The following PSMG4 variants were observed in gnomAD, a reference collection of about 807,000 sequenced individuals.
PSMG4 encodes proteasome (prosome, macropain) assembly chaperone 4.
PSMG4 carries 10 observed loss-of-function variants against 11.0 expected under a neutral mutation model. The ratio of observed to expected loss-of-function variants is 0.91; its 90% CI spans 0.56 to 1.54. PSMG4 has a LOEUF of 1.54. Among genes scored for constraint, PSMG4 ranks in the 40% most tolerant of loss-of-function variants. The pLI is 0.00. For synonymous variants in PSMG4, 95 were observed against 71.3 expected, an observed-to-expected ratio of 1.33 and a Z score of -1.68; for missense variants, 198 against 160.9, an observed-to-expected ratio of 1.23 and a Z score of -1.25.
rs568800260 is a variant in PSMG4 at position 3,267,327 on chromosome 6, T to C, written c.251-264T>C. On this transcript the variant is annotated intron_variant, in intron 2 of 2. Coordinates refer to ENST00000438998, the MANE Select transcript of PSMG4 (RefSeq NM_001128591.2). ...GGAGGGCTGGGTGGGGCCCAGCAGCTGCCTCTCGAACAAGTTCCAGGGAGG... is the reference window on the plus strand; with the variant it reads ...GGAGGGCTGGGTGGGGCCCAGCAGCCGCCTCTCGAACAAGTTCCAGGGAGG... 9.9e-6 allele frequency: 3 copies of C among 304,092 alleles called. No homozygotes were observed. The South Asian group carries it at 1.3e-4, about 14-fold the overall frequency. The allele number at this position is 304,092 out of a possible 1,614,324, so 18.8% of individuals were successfully genotyped here.
intron 2 of PSMG4, chr6:3,264,084 C>G (rs1167416656): frequency 7.4e-6 from 11 of 1,479,524 alleles, no homozygotes; most frequent in Non-Finnish European, 9.9e-6. Flanking sequence ...GAGAAGTGCC[C>G]ACAGCCCCTG....
rs533725298 is a variant in PSMG4 at position 3,268,049 on chromosome 6, G to A, written c.*337G>A. 4.2e-5 allele frequency: 8 copies of A among 190,692 alleles called. No individual in the cohort carries two copies. In the East Asian group the frequency reaches 1.1e-3, roughly 25 times the overall value. 11.8% of individuals were successfully genotyped at this position (190,692 alleles called of 1,614,324 possible). A position where few individuals can be genotyped will look rare whatever the true frequency, so the allele number is the denominator to read the frequency against. ...TAGAATTAAAGTGATGTATAAATAT[G>A]CTTTAGATTTGTGTGTGCATTCCTC... On this transcript the variant is annotated 3_prime_UTR_variant, in exon 3 of 3. Coordinates refer to ENST00000438998, the MANE Select transcript of PSMG4 (RefSeq NM_001128591.2).
At chr6:3,265,011 A>C (rs1758128338) in intron 2 of PSMG4, 1 of 152,174 alleles carries the variant, frequency 6.6e-6, no homozygotes, top group South Asian at 2.1e-4. Flanking sequence ...TCCCATAGAG[A>C]AGGTGGTGTG....
chr6:3,257,752 C>T (rs980801656), upstream of PSMG4, among the ~76,000 whole-genome samples: 1 of 151,360 alleles, frequency 6.6e-6, no homozygotes, highest in African/African-American at 2.5e-5. Context: ...TTACTGAGGG[C>T]AGGAGGGAGT....
chr6:3,263,870 A>C, intron 2 of PSMG4, 111 bp downstream of exon 2: 3 of 1,473,288 alleles, frequency 2.0e-6, no homozygotes, highest in Non-Finnish European at 2.7e-6. Context: ...AAGAACCATC[A>C]CCTCATTGCT....
chr6:3,254,937 G>A (rs968679334), upstream of PSMG4: 6 of 1,191,340 alleles, frequency 5.0e-6, no homozygotes, highest in Admixed American at 2.7e-5. Context: ...TTCTCTCACT[G>A]GGTGTCAGCT....
rs1315789786 is a variant in PSMG4, at chr6:3,264,536, TG to T, written c.250+779del. 24 of 947,850 alleles carry T rather than the reference TG, an allele frequency of 2.5e-5. No homozygotes were observed. The East Asian group carries it at 6.0e-4, about 24-fold the overall frequency. 58.7% of individuals were successfully genotyped at this position (947,850 alleles called of 1,614,324 possible). A position where few individuals can be genotyped will look rare whatever the true frequency, so the allele number is the denominator to read the frequency against. On this transcript the variant is annotated intron_variant, in intron 2 of 2. Coordinates refer to ENST00000438998, the MANE Select transcript of PSMG4 (RefSeq NM_001128591.2). ...CTGAGGCAAATGCACACGAATAGCA[TG>T]GCACCTGGCCCAGGGGGAAGGCAGG...
chr6:3,254,410 A>G (rs780716312), upstream of PSMG4, among the ~76,000 whole-genome samples: 2 of 152,094 alleles, frequency 1.3e-5, no homozygotes, highest in African/African-American at 4.8e-5. Context: ...TGTTGGTGGC[A>G]CATCTGAGGA....
In PSMG4 at chr6:3,267,788, C is replaced by G; in HGVS notation, c.*76C>G. On this transcript the variant is annotated 3_prime_UTR_variant, in exon 3 of 3. Coordinates refer to ENST00000438998, the MANE Select transcript of PSMG4 (RefSeq NM_001128591.2). ...ATAAATGGATTGAATTTCAGTTTGT[C>G]ATCAGGCCGCGCTCCCGTTTTGTTT... 7.0e-7 allele frequency: 1 copy of G among 1,428,328 alleles called. No homozygotes were observed. Among genetic ancestry groups the G allele is most frequent in the Non-Finnish European group, 9.5e-7 (1 of 1,047,686 alleles). 88.5% of individuals were successfully genotyped at this position (1,428,328 alleles called of 1,614,324 possible). A position where few individuals can be genotyped will look rare whatever the true frequency, so the allele number is the denominator to read the frequency against.
upstream of PSMG4, chr6:3,258,868 A>G (rs1472181192): frequency 1.5e-6 from 1 of 673,200 alleles, no homozygotes; most frequent in African/African-American, 1.9e-5. Context: ...CAAGCCCGGG[A>G]TCGCCCCTCC....
upstream of PSMG4, among the ~76,000 whole-genome samples, chr6:3,256,383 A>G (rs1050758756): frequency 2.0e-5 from 3 of 152,182 alleles, no homozygotes; most frequent in South Asian, 2.1e-4. Flanking sequence ...CTGTTCCTGT[A>G]TGGATGGTTC....
At chr6:3,257,750 G>A (rs1240478867), upstream of PSMG4, among the ~76,000 whole-genome samples, 2 of 151,370 alleles carry the variant, frequency 1.3e-5, no homozygotes, top group East Asian at 1.9e-4. Flanking sequence ...CATTACTGAG[G>A]GCAGGAGGGA....
At chr6:3,266,886 TG>T (rs1758203016) in intron 2 of PSMG4, 1 of 151,524 alleles carries the variant, frequency 6.6e-6, no homozygotes, top group Non-Finnish European at 1.5e-5. Context: ...GACGGAGTCT[TG>T]CTCTATTGCC....
chr6:3,263,806 C>G, intron 2 of PSMG4, 47 bp downstream of exon 2: 2 of 1,532,908 alleles, frequency 1.3e-6, no homozygotes, highest in Non-Finnish European at 8.8e-7. Context: ...GTGGGGCCCA[C>G]TCTTTAATGG....
At chr6:3,262,581 C>T (rs1758030826) in intron 1 of PSMG4, among the ~76,000 whole-genome samples, 1 of 141,452 alleles carries the variant, frequency 7.1e-6, no homozygotes, top group Admixed American at 7.5e-5. Flanking sequence ...TGGTCTCTGC[C>T]CTGCCATACT....
intron 1 of PSMG4, among the ~76,000 whole-genome samples, chr6:3,260,618 G>A (rs770364191): frequency 6.6e-6 from 1 of 152,132 alleles, no homozygotes; most frequent in Non-Finnish European, 1.5e-5. Context: ...CGGGATTATA[G>A]GCGTTAGCCG....
chr6:3,260,292 T>TATATATATA (rs1554129658), intron 1 of PSMG4, among the ~76,000 whole-genome samples: 410 of 12,620 alleles, frequency 0.032, 2 homozygotes, highest in African/African-American at 0.066. Context: ...TATATATATA[T>TATATATATA]TTTTTTTTTT....
At chr6:3,259,691 C>T (rs1757900859) in intron 1 of PSMG4, among the ~76,000 whole-genome samples, 1 of 152,212 alleles carries the variant, frequency 6.6e-6, no homozygotes, top group Non-Finnish European at 1.5e-5. Context: ...TTCAGAGCCT[C>T]GCAGTTGTCT....
At chr6:3,265,848 A>AG (rs1397716339) in intron 2 of PSMG4, 1 of 152,030 alleles carries the variant, frequency 6.6e-6, no homozygotes, top group African/African-American at 2.4e-5. Flanking sequence ...CTCTGTGCTA[A>AG]GTACTGTAAG....
Sources: allele counts gnomAD v4.1 joint callset (sites outside exome capture counted in the v4.1 genomes callset), GRCh38; gene constraint gnomAD v4.1.1; transcripts MANE v1.5; gene names NCBI Gene and HGNC (gene_info 2026-07-23, HGNC 2026-07-21).